Variants in SLC8A3 observed in about 807,000 individuals in gnomAD.
SLC8A3 encodes sodium/calcium exchanger 3.
A neutral mutation model predicts 65.4 loss-of-function variants in SLC8A3; 37 were observed. The ratio of observed to expected loss-of-function variants is 0.57; its 90% confidence interval spans 0.44 to 0.74. The LOEUF (loss-of-function observed/expected upper bound fraction) is 0.74. Among genes scored for constraint, SLC8A3 ranks in the 30% least tolerant of loss-of-function variants. The pLI is 0.00. For missense variants in SLC8A3, 1,112 were observed against 1,172.1 expected, an observed-to-expected ratio of 0.95 and a Z score of 0.75; for synonymous variants, 461 against 444.5, an observed-to-expected ratio of 1.04 and a Z score of -0.47.
intron 2 of SLC8A3, among the ~76,000 whole-genome samples, chr14:70,148,187 A>G (rs537503950): frequency 6.6e-6 from 1 of 152,348 alleles, no homozygotes; most frequent in African/African-American, 2.4e-5. Flanking sequence ...GTAGACGAAT[A>G]TAAGTCTTCT....
chr14:70,158,379 A>T (rs1280477192), intron 2 of SLC8A3, among the ~76,000 whole-genome samples: 1 of 152,216 alleles, frequency 6.6e-6, no homozygotes, highest in Non-Finnish European at 1.5e-5. Context: ...GGAGAAACCT[A>T]AAAGGTCGAC....
chr14:70,080,143 C>A (rs540119274), intron 2 of SLC8A3: 20 of 985,322 alleles, frequency 2.0e-5, no homozygotes, highest in African/African-American at 5.2e-5. Context: ...TGCCAGTTAT[C>A]GTCTGGATGC....
intron 2 of SLC8A3, among the ~76,000 whole-genome samples, chr14:70,161,939 G>T (rs775509003): frequency 3.9e-5 from 6 of 152,160 alleles, no homozygotes; most frequent in Admixed American, 6.5e-5. Flanking sequence ...ATGGAACAAG[G>T]CCTAGCCTGA....
intron 3 of SLC8A3, among the ~76,000 whole-genome samples, chr14:70,057,294 G>GTAGATAGA (rs3052660): frequency 0.12 from 17,759 of 149,500 alleles, 1,125 homozygotes; most frequent in South Asian, 0.17. Flanking sequence ...AGGCAGATAG[G>GTAGATAGA]TAGATAGATA....
chr14:70,103,032 G>A (rs1193174668), intron 2 of SLC8A3, among the ~76,000 whole-genome samples: 2 of 151,968 alleles, frequency 1.3e-5, no homozygotes, highest in Non-Finnish European at 2.9e-5. Flanking sequence ...GATAACCACA[G>A]ATAAAGAGAA....
At chr14:70,081,267 G>A (rs1891032477) in intron 2 of SLC8A3, among the ~76,000 whole-genome samples, 1 of 152,192 alleles carries the variant, frequency 6.6e-6, no homozygotes, top group Non-Finnish European at 1.5e-5. Context: ...TTGTAAAAGT[G>A]CCAATTCCTA....
At chr14:70,120,268 T>C (rs1020449023) in intron 2 of SLC8A3, among the ~76,000 whole-genome samples, 1 of 152,224 alleles carries the variant, frequency 6.6e-6, no homozygotes, top group African/African-American at 2.4e-5. Flanking sequence ...CCATGACTAA[T>C]ATACCATGGC....
intron 2 of SLC8A3, among the ~76,000 whole-genome samples, chr14:70,125,518 C>T (rs12434709): frequency 0.24 from 36,365 of 151,980 alleles, 5,021 homozygotes; most frequent in Admixed American, 0.33. Context: ...TTCTTTTTTA[C>T]GAATGAATAG....
In SLC8A3 at chr14:70,049,434, G is replaced by A. The variant is rs979611464; in HGVS notation, c.2114-392C>T. Among the ~76,000 whole-genome samples, 6 of 152,262 alleles carry A rather than the reference G, an allele frequency of 3.9e-5. No individual in the cohort carries two copies. In the South Asian group the frequency reaches 8.3e-4, roughly 21 times the overall value. ...CACTCATAAGTGGGAGTTGAACAAT[G>A]AGAACACATGGACACAGGGAGAGGA... On this transcript the variant is annotated intron_variant, in intron 5 of 6. Coordinates refer to ENST00000356921, the MANE Select transcript of SLC8A3 (RefSeq NM_182932.3).
chr14:70,069,120 G>A (rs1330516765), intron 2 of SLC8A3, among the ~76,000 whole-genome samples: 3 of 152,218 alleles, frequency 2.0e-5, no homozygotes, highest in Non-Finnish European at 4.4e-5. Context: ...TAGGATTTTA[G>A]CCTATGTCCC....
intron 1 of SLC8A3, among the ~76,000 whole-genome samples, chr14:70,176,459 A>G (rs1404059367): frequency 1.3e-5 from 2 of 152,202 alleles, no homozygotes; most frequent in Non-Finnish European, 2.9e-5. Context: ...TATGTTTTTG[A>G]AAAGTTCTTT....
intron 2 of SLC8A3, among the ~76,000 whole-genome samples, chr14:70,159,539 G>C (rs1323422532): frequency 6.6e-6 from 1 of 152,156 alleles, no homozygotes; most frequent in African/African-American, 2.4e-5. Flanking sequence ...AAAGGGTGGA[G>C]AAGGAATGAG....
At chr14:70,163,699 C>A (rs998414923) in intron 2 of SLC8A3, among the ~76,000 whole-genome samples, 2 of 152,312 alleles carry the variant, frequency 1.3e-5, no homozygotes, top group Middle Eastern at 3.4e-3. Flanking sequence ...GTCTGAAAAA[C>A]CACTTCTTTG....
chr14:70,140,612 T>TAAAATAGTA (rs1895503124), intron 2 of SLC8A3, among the ~76,000 whole-genome samples: 1 of 152,212 alleles, frequency 6.6e-6, no homozygotes, highest in African/African-American at 2.4e-5. Context: ...TCCTCCTCTG[T>TAAAATAGTA]AAAATAGTAA....
chr14:70,119,455 C>G (rs1484752842), intron 2 of SLC8A3, among the ~76,000 whole-genome samples: 1 of 152,138 alleles, frequency 6.6e-6, no homozygotes, highest in Non-Finnish European at 1.5e-5. Context: ...ATATGCTTAC[C>G]CTGAGAATCA....
chr14:70,046,482 C>T lies in SLC8A3; in HGVS notation c.2390-159G>A. Reference sequence around the variant, plus strand: ...TCCTAACTCCTAGTTCTGCCGCAAGCAAGCCGTGTGGCCCTGGGTAGGTCA... The same window carrying T: ...TCCTAACTCCTAGTTCTGCCGCAAGTAAGCCGTGTGGCCCTGGGTAGGTCA... On this transcript the variant is annotated intron_variant, in intron 6 of 6. Transcript: ENST00000356921. This position sits in a 1 kb window ranked among gnomAD's most constrained non-coding sequence, Gnocchi z 4.2. The T allele has an allele frequency of 1.5e-6, 1 of 681,584 alleles. No individual in the cohort carries two copies. Among genetic ancestry groups the T allele is most frequent in the Non-Finnish European group, 2.4e-6 (1 of 414,168 alleles). 42.2% of individuals were successfully genotyped at this position (681,584 alleles called of 1,614,324 possible).
intron 3 of SLC8A3, chr14:70,060,571 G>T: frequency 1.7e-6 from 1 of 589,346 alleles, no homozygotes; most frequent in East Asian, 3.8e-5. Flanking sequence ...AGTTGAGGCT[G>T]CAGTGCTGCC....
intron 1 of SLC8A3, among the ~76,000 whole-genome samples, chr14:70,168,687 GA>G (rs1897322807): frequency 6.6e-6 from 1 of 152,210 alleles, no homozygotes; most frequent in Admixed American, 6.5e-5. Context: ...AGACTCCGTT[GA>G]AAAATGGCTT....
chr14:70,123,593 G>T (rs1337341123), intron 2 of SLC8A3, among the ~76,000 whole-genome samples: 1 of 151,824 alleles, frequency 6.6e-6, no homozygotes, highest in Non-Finnish European at 1.5e-5. Flanking sequence ...AGGATTACAG[G>T]CACCTGTCAC....
Sources: gnomAD v4.1 joint callset for allele counts (sites outside exome capture counted in the v4.1 genomes callset) on GRCh38, gnomAD v4.1.1 for gene constraint, Gnocchi (gnomAD v3.1) non-coding constraint, MANE v1.5 for transcripts, NCBI Gene and HGNC (gene_info 2026-07-23, HGNC 2026-07-21) for gene names.